The following NRG1 variants were observed in gnomAD, a reference collection of about 807,000 sequenced individuals.
NRG1 encodes neuregulin 1.
In NRG1, 18 loss-of-function variants were observed where a neutral mutation model predicts 63.8. That is an observed-to-expected ratio of 0.28 (90% CI 0.19 to 0.42). The LOEUF is 0.42. Ranked by LOEUF, NRG1 falls within the 10% of genes least tolerant of loss-of-function variation. NRG1 has a pLI of 1.00. For missense variants in NRG1, 762 were observed against 814.7 expected, an observed-to-expected ratio of 0.94 and a Z score of 0.79; for synonymous variants, 302 against 301.3, an observed-to-expected ratio of 1.00 and a Z score of -0.02.
chr8:31,782,371 C>T (rs1240296363), intron 1 of NRG1, among the ~76,000 whole-genome samples: 1 of 152,220 alleles, frequency 6.6e-6, no homozygotes, highest in South Asian at 2.1e-4. Flanking sequence ...CAGCACCCCA[C>T]CAGCATTGCC....
At chr8:32,297,375 G>A (rs768492058) in intron 1 of NRG1, among the ~76,000 whole-genome samples, 28 of 151,958 alleles carry the variant, frequency 1.8e-4, no homozygotes, top group Middle Eastern at 3.4e-3. Context: ...CATTTAAATA[G>A]TAGGTTTATC....
intron 1 of NRG1, among the ~76,000 whole-genome samples, chr8:32,445,860 G>A (rs1820169785): frequency 6.6e-6 from 1 of 152,008 alleles, no homozygotes; most frequent in African/African-American, 2.4e-5. Context: ...CACTAGGCAG[G>A]AGAGAAGAGT....
chr8:32,272,248 CA>C (rs1473453577), intron 1 of NRG1, among the ~76,000 whole-genome samples: 1 of 152,134 alleles, frequency 6.6e-6, no homozygotes, highest in Non-Finnish European at 1.5e-5. Context: ...TTGCAGATGG[CA>C]GCCTTCTCCC....
intron 1 of NRG1, among the ~76,000 whole-genome samples, chr8:32,162,892 G>C (rs1201709485): frequency 6.6e-6 from 1 of 152,096 alleles, no homozygotes; most frequent in African/African-American, 2.4e-5. Flanking sequence ...CCCATCGAGG[G>C]GTGAGGAGGG....
chr8:32,033,918 T>C (rs1157787917), intron 1 of NRG1, among the ~76,000 whole-genome samples: 2 of 152,202 alleles, frequency 1.3e-5, no homozygotes, highest in Non-Finnish European at 2.9e-5. Context: ...ACTTCCTTTC[T>C]TCCTATTTGA....
At chr8:32,509,985 T>G (rs1164643814) in intron 1 of NRG1, among the ~76,000 whole-genome samples, 2 of 152,048 alleles carry the variant, frequency 1.3e-5, no homozygotes, top group African/African-American at 4.8e-5. Context: ...TTTTGGAATT[T>G]TTTTTGCTTG....
At chr8:32,595,986 A>G in exon 2 of NRG1, 1 of 1,613,024 alleles carries the variant, frequency 6.2e-7, no homozygotes, top group Non-Finnish European at 8.5e-7. Context: ...ACAAAATATC[A>G]AGATACAAAA....
intron 1 of NRG1, among the ~76,000 whole-genome samples, chr8:32,464,673 T>G (rs578108423): frequency 5.9e-5 from 9 of 152,296 alleles, no homozygotes; most frequent in African/African-American, 1.7e-4. Context: ...CGTGGTTTTT[T>G]TTTGTTTGTT....
At chr8:31,856,616 C>G (rs1242496664) in intron 1 of NRG1, among the ~76,000 whole-genome samples, 1 of 152,220 alleles carries the variant, frequency 6.6e-6, no homozygotes, top group East Asian at 1.9e-4. Flanking sequence ...CTCCGCTCGT[C>G]AAAGTCATTC....
intron 5 of NRG1, among the ~76,000 whole-genome samples, chr8:32,708,650 A>G (rs1308895676): frequency 1.3e-5 from 2 of 152,240 alleles, no homozygotes; most frequent in Non-Finnish European, 2.9e-5. Flanking sequence ...GGTAAATAAT[A>G]CAGAATTTAC....
intron 5 of NRG1, among the ~76,000 whole-genome samples, chr8:32,637,868 C>T (rs1188730963): frequency 6.6e-6 from 1 of 152,078 alleles, no homozygotes; most frequent in Non-Finnish European, 1.5e-5. Flanking sequence ...GAATATCTTT[C>T]AGAAAGAGGC....
chr8:31,757,758 A>G (rs1817122895), intron 1 of NRG1, among the ~76,000 whole-genome samples: 1 of 152,158 alleles, frequency 6.6e-6, no homozygotes, highest in African/African-American at 2.4e-5. Flanking sequence ...ATTTTTATTG[A>G]GATATAATTT....
chr8:32,205,315 C>T (rs1021981871), intron 1 of NRG1, among the ~76,000 whole-genome samples: 2 of 152,082 alleles, frequency 1.3e-5, no homozygotes, highest in Non-Finnish European at 2.9e-5. Context: ...ATAATTAGAA[C>T]GTAGGCACTC....
intron 1 of NRG1, among the ~76,000 whole-genome samples, chr8:32,565,509 C>T (rs1173651232): frequency 2.0e-5 from 3 of 152,126 alleles, no homozygotes; most frequent in Non-Finnish European, 4.4e-5. Flanking sequence ...TTTTGTTTCA[C>T]TCTCCCGCTG....
At chr8:31,813,150 GTAT>G (rs1823050892) in intron 1 of NRG1, among the ~76,000 whole-genome samples, 1 of 152,118 alleles carries the variant, frequency 6.6e-6, no homozygotes, top group South Asian at 2.1e-4. Flanking sequence ...AAAATTGTTA[GTAT>G]TATACCTTTT....
intron 1 of NRG1, among the ~76,000 whole-genome samples, chr8:32,168,069 A>G (rs185846200): frequency 7.8e-4 from 118 of 152,236 alleles, no homozygotes; most frequent in Non-Finnish European, 1.4e-3. Context: ...ACATTGTTAC[A>G]TCACTGATTC....
intron 1 of NRG1, among the ~76,000 whole-genome samples, chr8:31,744,932 C>T (rs758733053): frequency 1.6e-4 from 25 of 152,002 alleles, no homozygotes; most frequent in Non-Finnish European, 3.2e-4. Context: ...AATTTTCTAA[C>T]TTTTAACAAA....
intron 11 of NRG1, 100 bp downstream of exon 11, chr8:32,760,506 T>C (rs920489747): frequency 6.4e-7 from 1 of 1,557,282 alleles, no homozygotes; most frequent in African/African-American, 1.4e-5. Context: ...CTAATCAGAA[T>C]AAGGGGCGGC....
chr8:31,806,354 A>G (rs73590195), intron 1 of NRG1, among the ~76,000 whole-genome samples: 23,807 of 152,130 alleles, frequency 0.16, 2,160 homozygotes, highest in Non-Finnish European at 0.19. Flanking sequence ...ATATTGGCAT[A>G]TAGTGTTCAC....
Sources: gnomAD v4.1 joint callset for allele counts (sites outside exome capture counted in the v4.1 genomes callset) on GRCh38, gnomAD v4.1.1 for gene constraint, MANE v1.5 for transcripts, NCBI Gene and HGNC (gene_info 2026-07-23, HGNC 2026-07-21) for gene names.